Variants in DIP2C observed in about 807,000 individuals in gnomAD.
The protein encoded by DIP2C is disco-interacting protein 2 homolog C.
DIP2C carries 33 observed loss-of-function variants against 192.4 expected under a neutral mutation model. The observed-to-expected ratio is 0.17, with a 90% confidence interval of 0.13 to 0.23. The LOEUF (loss-of-function observed/expected upper bound fraction) is 0.23, where lower values mean the gene tolerates loss of function less well. Among genes scored for constraint, DIP2C ranks in the 10% least tolerant of loss-of-function variants. The pLI is 1.00. For synonymous variants in DIP2C, 979 were observed against 864.1 expected (o/e 1.13, Z -2.33); for missense variants, 1,537 against 2,110.1 (o/e 0.73, Z 5.32).
rs754432709 is a variant in DIP2C, at chr10:484,825, A to ACCCGCT, written c.157+1628_157+1633dup. 29 of 1,609,710 alleles carry ACCCGCT rather than the reference A, an allele frequency of 1.8e-5. No homozygotes were observed. The African/African-American group carries it at 2.0e-4, about 11-fold the overall frequency. ...AGGCCGGTTCCCTGCGGTGCTGGCC[A>ACCCGCT]CCCGCTCCCGAGCCGCAGCTTCTCG... On this transcript the variant is annotated intron_variant, in intron 2 of 36. Coordinates refer to ENST00000280886, the MANE Select transcript of DIP2C (RefSeq NM_014974.3).
rs1564684371 is a variant in DIP2C, at chr10:417,631, GGCTCGGATAGGCCTCCCTGTCCACCT to G, written c.739+1408_739+1433del. ...ATCCCTGTCTGCCTGCGCCTGTCAG[GGCTCGGATAGGCCTCCCTGTCCACCT>G]GTTCCTGTCAGGGCTCGGATAGGCC... On this transcript the variant is annotated intron_variant, in intron 6 of 36. Transcript: ENST00000280886. 2.8e-3 allele frequency among the ~76,000 whole-genome samples: 57 copies of G among 20,194 alleles called. 1 individual carries two copies. Among genetic ancestry groups the G allele is most frequent in the Admixed American group, 0.015 (25 of 1,684 alleles). 13.2% of individuals were successfully genotyped at this position (20,194 alleles called of 152,430 possible).
intron 1 of DIP2C, among the ~76,000 whole-genome samples, chr10:648,380 A>G (rs1241587551): frequency 1.3e-5 from 2 of 152,080 alleles, no homozygotes; most frequent in African/African-American, 2.4e-5. Flanking sequence ...CCACGTCCAC[A>G]CTGGATGGTG....
intron 32 of DIP2C, among the ~76,000 whole-genome samples, chr10:292,625 G>A (rs1589404501): frequency 1.3e-5 from 2 of 152,230 alleles, no homozygotes; most frequent in South Asian, 4.1e-4. Flanking sequence ...AGTGGGGAAC[G>A]AATGCATGGC....
intron 1 of DIP2C, among the ~76,000 whole-genome samples, chr10:513,623 C>A (rs949018394): frequency 3.2e-4 from 1 of 3,084 alleles, no homozygotes; most frequent in Non-Finnish European, 1.4e-3. Context: ...CCACACCTTA[C>A]CTGAAAGTCA....
intron 1 of DIP2C, among the ~76,000 whole-genome samples, chr10:612,582 TC>T (rs1853170404): frequency 6.6e-6 from 1 of 152,094 alleles, no homozygotes. Flanking sequence ...ATATGAACCC[TC>T]CCATCTGCAT....
rs138367056 is a variant in DIP2C, at chr10:374,918, C to T, written c.1992-5285G>A. On this transcript the variant is annotated intron_variant, in intron 17 of 36. Coordinates refer to ENST00000280886, the MANE Select transcript of DIP2C (RefSeq NM_014974.3). The stretch of plus-strand genomic sequence containing the variant: ...ATTCATCAACTTCCAAACTCAGTTC[C>T]CATGTGAAATGGTGTTCAAGACCAA... Among the ~76,000 whole-genome samples the T allele has an allele frequency of 6.3e-3, 965 of 152,262 alleles. 10 individuals are homozygous for T. The highest frequency in any genetic ancestry group is 0.022 in the African/African-American group (903 of 41,544).
chr10:626,163 A>G (rs1012269412), intron 1 of DIP2C, among the ~76,000 whole-genome samples: 1 of 152,222 alleles, frequency 6.6e-6, no homozygotes, highest in Admixed American at 6.5e-5. Context: ...TGCCGATGAC[A>G]TGCTAGAGTC....
At chr10:608,811 C>G (rs1351142021) in intron 1 of DIP2C, among the ~76,000 whole-genome samples, 3 of 148,550 alleles carry the variant, frequency 2.0e-5, no homozygotes, top group Admixed American at 6.7e-5. Flanking sequence ...CTCCTCCAAC[C>G]CATTGCTTAG....
intron 3 of DIP2C, among the ~76,000 whole-genome samples, chr10:444,113 C>T (rs1967958735): frequency 6.6e-6 from 1 of 152,116 alleles, no homozygotes; most frequent in Non-Finnish European, 1.5e-5. Context: ...TGTAGATTCC[C>T]CATCGTCACA....
At chr10:314,342 G>A (rs549983638) in intron 31 of DIP2C, among the ~76,000 whole-genome samples, 3 of 152,242 alleles carry the variant, frequency 2.0e-5, no homozygotes, top group South Asian at 2.1e-4. Flanking sequence ...GCCCTCCGTC[G>A]TCCTCCCTTT....
At chr10:367,170 T>C (rs75107365) in intron 18 of DIP2C, among the ~76,000 whole-genome samples, 4,070 of 152,254 alleles carry the variant, frequency 0.027, 96 homozygotes, top group East Asian at 0.075. Flanking sequence ...GTAATCCCAG[T>C]ACTTTGGGAG....
chr10:573,587 C>T (rs816629), intron 1 of DIP2C, among the ~76,000 whole-genome samples: 42,991 of 151,930 alleles, frequency 0.28, 9,557 homozygotes, highest in African/African-American at 0.62. Flanking sequence ...TTTTTGTGTT[C>T]TCAGTAGAGA....
At chr10:451,738 G>A (rs1036758502) in intron 3 of DIP2C, among the ~76,000 whole-genome samples, 1 of 152,104 alleles carries the variant, frequency 6.6e-6, no homozygotes, top group Non-Finnish European at 1.5e-5. Flanking sequence ...TGCCATCAGA[G>A]GTTACATATA....
chr10:344,640 G>A (rs886505052), intron 28 of DIP2C, among the ~76,000 whole-genome samples, 169 bp downstream of exon 28: 2 of 152,212 alleles, frequency 1.3e-5, no homozygotes, highest in African/African-American at 4.8e-5. Context: ...GCCTGGTTAA[G>A]GATGGAAATG....
At chr10:610,644 G>C (rs914621464) in intron 1 of DIP2C, among the ~76,000 whole-genome samples, 1 of 152,268 alleles carries the variant, frequency 6.6e-6, no homozygotes, top group African/African-American at 2.4e-5. Flanking sequence ...CGGGGAGCCA[G>C]ACATGGTGTG....
chr10:573,557 C>T (rs1849957825), intron 1 of DIP2C, among the ~76,000 whole-genome samples: 1 of 152,024 alleles, frequency 6.6e-6, no homozygotes, highest in African/African-American at 2.4e-5. Flanking sequence ...TACAGGTGTG[C>T]AACCCTCACA....
chr10:293,047 G>A (rs1207862087), intron 32 of DIP2C, among the ~76,000 whole-genome samples: 2 of 152,214 alleles, frequency 1.3e-5, no homozygotes, highest in Non-Finnish European at 2.9e-5. Flanking sequence ...CACTGCCCCC[G>A]CCAGAAAGAC....
intron 1 of DIP2C, among the ~76,000 whole-genome samples, chr10:637,383 G>T (rs1251822964): frequency 2.0e-5 from 3 of 152,184 alleles, no homozygotes; most frequent in Non-Finnish European, 4.4e-5. Context: ...CATAGGCTGG[G>T]CGGGGGCTGA....
intron 3 of DIP2C, among the ~76,000 whole-genome samples, chr10:458,623 C>A (rs561460851): frequency 6.6e-6 from 1 of 150,972 alleles, no homozygotes; most frequent in African/African-American, 2.5e-5. Context: ...TGGCAGCACA[C>A]AGCAGAGTGC....
Sources: gnomAD v4.1 joint callset for allele counts (sites outside exome capture counted in the v4.1 genomes callset) on GRCh38, gnomAD v4.1.1 for gene constraint, MANE v1.5 for transcripts, NCBI Gene and HGNC (gene_info 2026-07-23, HGNC 2026-07-21) for gene names.